The following PHB1 variants were observed in gnomAD, a reference collection of about 807,000 sequenced individuals.
The protein encoded by PHB1 is epididymis luminal protein 215.
the PHB1 span, chr17:49,413,316 A>C: frequency 1.5e-6 from 2 of 1,294,506 alleles, no homozygotes; most frequent in Non-Finnish European, 2.2e-6. Context: ...ACAAAATACA[A>C]TCAAACTTGA....
At chr17:49,414,545 T>C in the PHB1 span, among the ~76,000 whole-genome samples, 3 of 152,108 alleles carry the variant, frequency 2.0e-5, no homozygotes, top group African/African-American at 4.8e-5. Context: ...AGACCTCAAC[T>C]CCTGAGACTA....
At chr17:49,408,397 G>A in the PHB1 span, among the ~76,000 whole-genome samples, 1 of 152,158 alleles carries the variant, frequency 6.6e-6, no homozygotes, top group East Asian at 1.9e-4. Context: ...CTAGAAACAC[G>A]ACCCCTTCCC....
the PHB1 span, among the ~76,000 whole-genome samples, chr17:49,409,979 C>T: frequency 1.3e-5 from 2 of 152,168 alleles, no homozygotes; most frequent in African/African-American, 4.8e-5. Flanking sequence ...CTCCTGGGCT[C>T]AGTTGATCCT....
At chr17:49,410,787 C>T in the PHB1 span, among the ~76,000 whole-genome samples, 1 of 152,174 alleles carries the variant, frequency 6.6e-6, no homozygotes, top group Non-Finnish European at 1.5e-5. Context: ...CTTTCTGGGC[C>T]TTGCGGAAAT....
chr17:49,406,689 C>T, the PHB1 span: 2 of 1,092,790 alleles, frequency 1.8e-6, no homozygotes, highest in Non-Finnish European at 2.8e-6. Context: ...CCAGGCCACC[C>T]AGCAAATGGG....
the PHB1 span, among the ~76,000 whole-genome samples, chr17:49,407,634 C>A: frequency 6.6e-6 from 1 of 152,172 alleles, no homozygotes; most frequent in Non-Finnish European, 1.5e-5. Flanking sequence ...CTTATTCATC[C>A]TAATTTTTAT....
the PHB1 span, chr17:49,411,858 G>A: frequency 1.2e-6 from 2 of 1,608,960 alleles, no homozygotes; most frequent in Non-Finnish European, 1.7e-6. Flanking sequence ...AAAGGACAAT[G>A]ACATGTCATA....
the PHB1 span, chr17:49,413,332 A>C: frequency 8.6e-7 from 1 of 1,158,258 alleles, no homozygotes; most frequent in Non-Finnish European, 1.3e-6. Flanking sequence ...CTTGATGCCA[A>C]ATCCTCAGAG....
chr17:49,404,983 G>C, the PHB1 span: 16 of 1,546,184 alleles, frequency 1.0e-5, no homozygotes, highest in East Asian at 3.7e-4. Context: ...GTGCAGGCAG[G>C]GTGGGCCCTC....
chr17:49,409,532 G>GTTTT, the PHB1 span: 21 of 744,720 alleles, frequency 2.8e-5, no homozygotes, highest in Middle Eastern at 3.6e-4. Context: ...GAAAACAAGT[G>GTTTT]TTTTTTTTTT....
chr17:49,413,321 A>C, the PHB1 span: 1 of 1,253,920 alleles, frequency 8.0e-7, no homozygotes, highest in Non-Finnish European at 1.1e-6. Context: ...ATACAATCAA[A>C]CTTGATGCCA....
the PHB1 span, chr17:49,405,252 T>A: frequency 6.5e-7 from 1 of 1,530,690 alleles, no homozygotes; most frequent in Non-Finnish European, 9.0e-7. Context: ...GGGCACCGCA[T>A]GTCAGGCTAC....
the PHB1 span, chr17:49,413,070 A>G: frequency 1.2e-6 from 1 of 808,582 alleles, no homozygotes. Flanking sequence ...CTTGGCCACA[A>G]ACACATTCAC....
the PHB1 span, chr17:49,405,247 C>G: frequency 6.5e-7 from 1 of 1,545,374 alleles, no homozygotes; most frequent in Non-Finnish European, 8.9e-7. Context: ...CCTCAGGGCA[C>G]CGCATGTCAG....
the PHB1 span, chr17:49,411,898 T>C: frequency 6.5e-7 from 1 of 1,530,174 alleles, no homozygotes; most frequent in African/African-American, 1.4e-5. Flanking sequence ...AACAAAAGGA[T>C]CATGTCTTTG....
At chr17:49,413,357 C>T in the PHB1 span, 1 of 835,828 alleles carries the variant, frequency 1.2e-6, no homozygotes, top group Admixed American at 2.0e-5. Context: ...CCCTCTCTGA[C>T]ACACAACAGT....
At chr17:49,409,365 G>A in the PHB1 span, 1 of 1,614,126 alleles carries the variant, frequency 6.2e-7, no homozygotes, top group Non-Finnish European at 8.5e-7. Context: ...TGTGATGGAC[G>A]GCAGCACACG....
the PHB1 span, chr17:49,404,666 T>G: frequency 2.5e-6 from 1 of 395,082 alleles, no homozygotes; most frequent in Admixed American, 3.7e-5. Flanking sequence ...CATCACATAC[T>G]GCCCCGCCTG....
chr17:49,411,641 C>T, the PHB1 span: 17 of 1,591,250 alleles, frequency 1.1e-5, no homozygotes, highest in Non-Finnish European at 1.5e-5. Context: ...ACCTCTTCCA[C>T]ACTCCCTACT....
Sources: gnomAD v4.1 joint callset for allele counts (sites outside exome capture counted in the v4.1 genomes callset) on GRCh38, gnomAD v4.1.1 for gene constraint, MANE v1.5 for transcripts, NCBI Gene and HGNC (gene_info 2026-07-23, HGNC 2026-07-21) for gene names.